SPOCK3: variants seen among roughly 807,000 people sequenced by gnomAD.
SPOCK3 encodes SPARC (osteonectin), cwcv and kazal like domains proteoglycan 3.
A neutral mutation model predicts 56.6 loss-of-function variants in SPOCK3; 30 were observed. The observed-to-expected ratio is 0.53, with a 90% CI of 0.40 to 0.72. The LOEUF is 0.72. SPOCK3 is among the 30% of genes least tolerant of loss of function. SPOCK3 has a pLI of 0.00. For synonymous variants in SPOCK3, 196 were observed against 183.3 expected, an observed-to-expected ratio of 1.07 and a Z score of -0.56; for missense variants, 527 against 530.0, an observed-to-expected ratio of 0.99 and a Z score of 0.06.
intron 6 of SPOCK3, among the ~76,000 whole-genome samples, chr4:166,850,812 G>T (rs1470748192): frequency 6.6e-6 from 1 of 152,204 alleles, no homozygotes; most frequent in Non-Finnish European, 1.5e-5. Context: ...GGCTCGGAGG[G>T]TCCTACACCC....
intron 6 of SPOCK3, among the ~76,000 whole-genome samples, chr4:166,802,446 G>A (rs77526960): frequency 0.032 from 4,879 of 152,320 alleles, 112 homozygotes; most frequent in Non-Finnish European, 0.053. Flanking sequence ...CTGTGCCAAG[G>A]TGCTGGCAGA....
At chr4:166,888,543 CAA>C (rs1734441155) in intron 6 of SPOCK3, among the ~76,000 whole-genome samples, 3 of 151,646 alleles carry the variant, frequency 2.0e-5, no homozygotes, top group South Asian at 2.1e-4. Flanking sequence ...AATCTTAAGT[CAA>C]GTTATATATT....
intron 6 of SPOCK3, among the ~76,000 whole-genome samples, chr4:166,844,827 G>C (rs922381065): frequency 6.6e-6 from 1 of 152,126 alleles, no homozygotes; most frequent in Admixed American, 6.5e-5. Flanking sequence ...GAGAACCCTG[G>C]CTAATACAGT....
Position 167,059,594 on chromosome 4 carries a change from C to T in SPOCK3, c.235+2898G>A, listed in dbSNP as rs1295786296. ...TCAACCATTGTGGAAGTCAGTGTGGCGATTCCTCAGGGATCTAGAACTAGA... is the reference window on the plus strand; with the variant it reads ...TCAACCATTGTGGAAGTCAGTGTGGTGATTCCTCAGGGATCTAGAACTAGA... On this transcript the variant is annotated intron_variant, in intron 3 of 10. Transcript: ENST00000357545. Among the ~76,000 whole-genome samples the T allele has an allele frequency of 2.3e-4, 35 of 151,088 alleles. No homozygotes were observed. The East Asian group carries it at 3.3e-3, about 14-fold the overall frequency.
At chr4:166,825,698 T>C (rs956160530) in intron 6 of SPOCK3, among the ~76,000 whole-genome samples, 4 of 152,070 alleles carry the variant, frequency 2.6e-5, no homozygotes, top group Admixed American at 1.3e-4. Flanking sequence ...AAGTGGTATA[T>C]TCAGGATGGA....
At chr4:167,080,039 C>A (rs1757568213) in intron 2 of SPOCK3, among the ~76,000 whole-genome samples, 1 of 151,936 alleles carries the variant, frequency 6.6e-6, no homozygotes, top group South Asian at 2.1e-4. Context: ...AGGAGGTAAT[C>A]TCTCACCAAG....
At chr4:167,066,372 A>G (rs1756135556) in intron 2 of SPOCK3, among the ~76,000 whole-genome samples, 1 of 151,838 alleles carries the variant, frequency 6.6e-6, no homozygotes, top group Non-Finnish European at 1.5e-5. Flanking sequence ...ACAAGGTGTG[A>G]CAAAAGGGAA....
At chr4:166,848,580 A>C (rs1748341615) in intron 6 of SPOCK3, among the ~76,000 whole-genome samples, 1 of 152,206 alleles carries the variant, frequency 6.6e-6, no homozygotes, top group Admixed American at 6.5e-5. Context: ...TCATGAAGTA[A>C]GTACTTGCCT....
At chr4:167,036,567 A>G (rs567208978) in intron 3 of SPOCK3, among the ~76,000 whole-genome samples, 1 of 152,318 alleles carries the variant, frequency 6.6e-6, no homozygotes, top group Admixed American at 6.5e-5. Context: ...AAGACTTCTG[A>G]TAGAGTAGCT....
Position 166,733,549 on chromosome 4 carries a change from C to G in SPOCK3, c.*1372G>C, listed in dbSNP as rs534116764. 1 of 151,690 alleles carries G rather than the reference C, an allele frequency of 6.6e-6. No individual in the cohort carries two copies. The highest frequency in any genetic ancestry group is 1.5e-5 in the Non-Finnish European group (1 of 67,766). 9.4% of individuals were successfully genotyped at this position (151,690 alleles called of 1,614,324 possible). On this transcript the variant is annotated 3_prime_UTR_variant, in exon 11 of 11. Transcript: ENST00000357545. ...TTTCAATGAATTGTATACTGGGAAACCAGTTTACCCACTGTTGAAATTAAA... is the reference window on the plus strand; with the variant it reads ...TTTCAATGAATTGTATACTGGGAAAGCAGTTTACCCACTGTTGAAATTAAA...
chr4:166,837,875 T>G (rs1333905769), intron 6 of SPOCK3, among the ~76,000 whole-genome samples: 1 of 152,194 alleles, frequency 6.6e-6, no homozygotes, highest in African/African-American at 2.4e-5. Flanking sequence ...ACAAATTTTC[T>G]TAGGTTTCCT....
chr4:166,979,736 A>G (rs1318151715), intron 4 of SPOCK3, among the ~76,000 whole-genome samples: 1 of 152,016 alleles, frequency 6.6e-6, no homozygotes, highest in Non-Finnish European at 1.5e-5. Flanking sequence ...TCTATTCTCT[A>G]TTTTTGTCTT....
intron 2 of SPOCK3, among the ~76,000 whole-genome samples, chr4:167,227,582 G>A (rs1736717386): frequency 6.6e-6 from 1 of 151,864 alleles, no homozygotes; most frequent in African/African-American, 2.4e-5. Flanking sequence ...AGTCTAATGG[G>A]GTGTCCAAAT....
intron 2 of SPOCK3, among the ~76,000 whole-genome samples, chr4:167,157,995 T>C (rs1427019159): frequency 6.6e-6 from 1 of 152,032 alleles, no homozygotes; most frequent in African/African-American, 2.4e-5. Flanking sequence ...TATTTTTAAA[T>C]GGCAAATATG....
intron 2 of SPOCK3, among the ~76,000 whole-genome samples, chr4:167,078,660 C>A (rs912461615): frequency 6.6e-6 from 1 of 151,398 alleles, no homozygotes; most frequent in Non-Finnish European, 1.5e-5. Context: ...CCCATAATCA[C>A]CCTATGATGC....
At chr4:167,054,902 A>G (rs1010635898) in intron 3 of SPOCK3, among the ~76,000 whole-genome samples, 1 of 152,134 alleles carries the variant, frequency 6.6e-6, no homozygotes, top group Non-Finnish European at 1.5e-5. Flanking sequence ...GTATGTATGT[A>G]TGTATTGGTA....
At chr4:166,998,404 T>C (rs1004414759) in intron 4 of SPOCK3, among the ~76,000 whole-genome samples, 6 of 152,172 alleles carry the variant, frequency 3.9e-5, no homozygotes, top group Admixed American at 3.9e-4. Flanking sequence ...TGATAGTCTT[T>C]ATCATGTTAA....
At chr4:166,894,265 C>G (rs1013703350) in intron 5 of SPOCK3, among the ~76,000 whole-genome samples, 6 of 152,092 alleles carry the variant, frequency 3.9e-5, no homozygotes, top group African/African-American at 1.4e-4. Context: ...ATCATACTGG[C>G]CCCACCACAG....
intron 3 of SPOCK3, 110 bp downstream of exon 3, chr4:167,062,382 G>C (rs1165701585): frequency 2.8e-6 from 2 of 704,300 alleles, no homozygotes; most frequent in East Asian, 5.8e-5. Context: ...ATTCATGTAA[G>C]CTCTTCTATT....
Sources: gnomAD v4.1 joint callset for allele counts (sites outside exome capture counted in the v4.1 genomes callset) on GRCh38, gnomAD v4.1.1 for gene constraint, MANE v1.5 for transcripts, NCBI Gene and HGNC (gene_info 2026-07-23, HGNC 2026-07-21) for gene names.